CLPTM1: variants seen among roughly 807,000 people sequenced by gnomAD.
CLPTM1 encodes the protein CLPTM1 regulator of GABA type A receptor forward trafficking, also known as putative lipid scramblase CLPTM1.
Under a neutral mutation model 77.3 loss-of-function variants are expected in CLPTM1, and 21 were observed. That is an observed-to-expected ratio of 0.27 (90% CI 0.19 to 0.39). The LOEUF (loss-of-function observed/expected upper bound fraction) is 0.39, where lower values mean the gene tolerates loss of function less well. Ranked by LOEUF, CLPTM1 falls within the 10% of genes least tolerant of loss-of-function variation. The pLI is 1.00. For missense variants in CLPTM1, 642 were observed against 921.2 expected (o/e 0.70, Z 3.92); for synonymous variants, 373 against 381.0 (o/e 0.98, Z 0.24).
intron 2 of CLPTM1, among the ~76,000 whole-genome samples, chr19:44,972,349 A>G (rs1247220941): frequency 2.7e-5 from 4 of 150,560 alleles, no homozygotes; most frequent in South Asian, 4.2e-4. Context: ...CTGGGTTCAC[A>G]CCATTCTCCT....
chr19:44,959,235 T>G (rs191435504), intron 1 of CLPTM1, among the ~76,000 whole-genome samples: 1 of 151,912 alleles, frequency 6.6e-6, no homozygotes, highest in East Asian at 1.9e-4. Flanking sequence ...TTTTTTTTTC[T>G]AAGTAAGAGA....
chr19:44,985,068 G>C, intron 5 of CLPTM1, 150 bp from the exon 6 acceptor site: 1 of 587,012 alleles, frequency 1.7e-6, no homozygotes. Context: ...AGGCAGTTCT[G>C]GCATTCCAGG....
intron 4 of CLPTM1, among the ~76,000 whole-genome samples, chr19:44,975,449 A>C (rs936161052): frequency 5.9e-5 from 9 of 152,108 alleles, no homozygotes; most frequent in African/African-American, 2.2e-4. Flanking sequence ...AGCTGCCCTC[A>C]TTCCTTTCTC....
intron 4 of CLPTM1, 50 bp from the exon 5 acceptor site, chr19:44,977,293 C>G: frequency 1.5e-6 from 2 of 1,373,380 alleles, no homozygotes; most frequent in Non-Finnish European, 2.1e-6. Flanking sequence ...TTTAACGTTT[C>G]CCTCACCCCA....
intron 6 of CLPTM1, among the ~76,000 whole-genome samples, chr19:44,986,009 G>T (rs768680215): frequency 1.1e-4 from 16 of 152,268 alleles, no homozygotes; most frequent in Non-Finnish European, 2.1e-4. Context: ...TCTAAGCCTA[G>T]GGAGGAGAGC....
intron 3 of CLPTM1, among the ~76,000 whole-genome samples, chr19:44,973,769 T>TTTTG (rs1555721362): frequency 2.2e-5 from 3 of 134,796 alleles, no homozygotes; most frequent in East Asian, 2.1e-4. Context: ...GGGTTTTTTT[T>TTTTG]TTTTTTTTTT....
chr19:44,991,296 A>G lies in CLPTM1; in HGVS notation c.1478A>G (p.Tyr493Cys), dbSNP rs373740871. 5 of 1,613,932 alleles carry G rather than the reference A, an allele frequency of 3.1e-6. No individual in the cohort carries two copies. In the African/African-American group the frequency reaches 6.7e-5, roughly 22 times the overall value. Residue 493 changes from tyrosine to cysteine, a missense_variant, in exon 12 of 14, where the codon TAC becomes TGC. This residue lies in a region of CLPTM1 where 521 missense variants were observed against 800.4 expected (regional missense o/e 0.65). Coordinates refer to ENST00000337392, the MANE Select transcript of CLPTM1 (RefSeq NM_001294.4). This position sits in a 1 kb window ranked among gnomAD's most constrained non-coding sequence, Gnocchi z 5.4. ...LFPLLGCYAVYSLLYLEHKGW... is the reference protein window; with the variant it reads ...LFPLLGCYAVCSLLYLEHKGW... The stretch of plus-strand genomic sequence containing the variant: ...CCGCTCCTGGGCTGCTATGCCGTCT[A>G]CAGTCTTCTGTACCTGGAGCACAAG...
At position 44,973,084 on chromosome 19, in the gene CLPTM1, C is replaced by T. The variant is rs1337581399; in HGVS notation, c.186-3C>T. 3 of 1,613,524 alleles carry T rather than the reference C, an allele frequency of 1.9e-6. No individual in the cohort carries two copies. Among genetic ancestry groups the T allele is most frequent in the South Asian group, 1.1e-5 (1 of 91,018 alleles). ...CTCACCACCTTGCTGCTTCTCTCCT[C>T]AGGATCTTCATCATCTGGGCCATCA... is the stretch of plus-strand genomic sequence containing the variant. On this transcript the variant is annotated splice_polypyrimidine_tract_variant and splice_region_variant and intron_variant, in intron 2 of 13. Transcript: ENST00000337392.
At chr19:44,968,122 A>G (rs1970663178) in intron 2 of CLPTM1, among the ~76,000 whole-genome samples, 1 of 152,178 alleles carries the variant, frequency 6.6e-6, no homozygotes, top group South Asian at 2.1e-4. Flanking sequence ...TCAGAGAGAC[A>G]TTTTTAATAC....
intron 2 of CLPTM1, among the ~76,000 whole-genome samples, chr19:44,965,525 C>A (rs1970614481): frequency 2.1e-5 from 3 of 145,020 alleles, no homozygotes; most frequent in African/African-American, 7.7e-5. Context: ...AAAAATAAAA[C>A]AATCATGGCT....
intron 7 of CLPTM1, 102 bp from the exon 8 acceptor site, chr19:44,987,077 C>G: frequency 7.0e-7 from 1 of 1,424,092 alleles, no homozygotes; most frequent in South Asian, 1.4e-5. Flanking sequence ...GTCCTCCAGT[C>G]TCTGTAGAGG....
chr19:44,992,321 C>G lies in CLPTM1; in HGVS notation c.1644C>G (p.Ala548=). The change falls in exon 13 of 14, where the codon GCC becomes GCG. Residue 548 remains alanine, a synonymous_variant. Transcript: ENST00000337392. This position sits in a 1 kb window ranked among gnomAD's most constrained non-coding sequence, Gnocchi z 7.7. ...CCTGGCGCATGCTCACCTACAAGGC[C>G]CTCAACACATTCATCGACGACCTGT... is the stretch of plus-strand genomic sequence containing the variant. ...HLPWRMLTYK[A]LNTFIDDLFA... is the part of the protein sequence containing the mutation. The G allele has an allele frequency of 1.2e-6, 2 of 1,614,130 alleles. No individual in the cohort carries two copies. The highest frequency in any genetic ancestry group is 1.7e-6 in the Non-Finnish European group (2 of 1,179,992).
intron 1 of CLPTM1, among the ~76,000 whole-genome samples, chr19:44,957,425 A>G: frequency 6.6e-6 from 1 of 152,232 alleles, no homozygotes; most frequent in East Asian, 1.9e-4. Flanking sequence ...GCTCAGCGCC[A>G]GGCACAGAGG....
At chr19:44,987,538 C>T in intron 8 of CLPTM1, 115 bp downstream of exon 8, 1 of 1,389,222 alleles carries the variant, frequency 7.2e-7, no homozygotes, top group Non-Finnish European at 9.8e-7. Flanking sequence ...CCTCTGCCCA[C>T]AGTTTCACAA....
At chr19:44,961,916 C>A in intron 1 of CLPTM1, 47 bp from the exon 2 acceptor site, 1 of 1,309,086 alleles carries the variant, frequency 7.6e-7, no homozygotes, top group East Asian at 2.5e-5. Context: ...TCTAAGACAG[C>A]CCCCGTGTCC....
At chr19:44,978,215 G>T (rs1354743713) in intron 5 of CLPTM1, among the ~76,000 whole-genome samples, 1 of 152,022 alleles carries the variant, frequency 6.6e-6, no homozygotes, top group Admixed American at 6.6e-5. Context: ...GACCATCCTG[G>T]CCAACACGGT....
At chr19:44,964,604 C>T (rs1489765472) in intron 2 of CLPTM1, among the ~76,000 whole-genome samples, 1 of 152,196 alleles carries the variant, frequency 6.6e-6, no homozygotes, top group Non-Finnish European at 1.5e-5. Flanking sequence ...AGCCACCACG[C>T]TTGGCCCATT....
At position 44,991,099 on chromosome 19, in the gene CLPTM1, C is replaced by T. The variant is rs115663965; in HGVS notation, c.1420-139C>T. The stretch of plus-strand genomic sequence containing the variant: ...CATCTGCCATAACTGCTTCCCTGGG[C>T]GAGTCCGGAGTCCCCAGGGCTACCT... On this transcript the variant is annotated intron_variant, in intron 11 of 13. Transcript: ENST00000337392. This position sits in a 1 kb window ranked among gnomAD's most constrained non-coding sequence, Gnocchi z 5.4. The T allele has an allele frequency of 6.0e-4, 858 of 1,429,762 alleles. 3 individuals are homozygous for T. In the African/African-American group the frequency reaches 9.1e-3, roughly 15 times the overall value. The allele number at this position is 1,429,762 out of a possible 1,614,324, so 88.6% of individuals were successfully genotyped here.
At position 44,990,507 on chromosome 19, in the gene CLPTM1, C is replaced by T. The variant is rs1360584925; in HGVS notation, c.1245C>T (p.Thr415=). The change falls in exon 10 of 14, where the codon ACC becomes ACT. Residue 415 remains threonine (T), a synonymous_variant. Transcript: ENST00000337392. The surrounding 1 kb of genome is among the most constrained non-coding windows in gnomAD (Gnocchi z 4.8). ...VVLLYILDNE[T]NFVVQVSVFI... ...TCCTCTACATCCTGGACAACGAGACCAACTTCGTGGTCCAGGTCAGCGTCT... is the reference window on the plus strand; with the variant it reads ...TCCTCTACATCCTGGACAACGAGACTAACTTCGTGGTCCAGGTCAGCGTCT... 3.1e-6 allele frequency: 5 copies of T among 1,614,144 alleles called. No individual in the cohort carries two copies. The South Asian group carries it at 4.4e-5, about 14-fold the overall frequency.
Sources: gnomAD v4.1 joint callset for allele counts (sites outside exome capture counted in the v4.1 genomes callset) on GRCh38, gnomAD v4.1.1 for gene constraint, gnomAD v4.1.1 regional missense constraint, Gnocchi (gnomAD v3.1) non-coding constraint, MANE v1.5 for transcripts, NCBI Gene and HGNC (gene_info 2026-07-23, HGNC 2026-07-21) for gene names.